The following TTLL5 variants were observed in gnomAD, a reference collection of about 807,000 sequenced individuals.
TTLL5 encodes tubulin tyrosine ligase like 5, also known as tubulin polyglutamylase TTLL5.
In TTLL5, 132 loss-of-function variants were observed where a neutral mutation model predicts 168.4. The ratio of observed to expected loss-of-function variants is 0.78; its 90% CI spans 0.68 to 0.91. TTLL5 has a LOEUF of 0.91. TTLL5 is among the 40% of genes least tolerant of loss of function. The pLI is 0.00. For missense variants in TTLL5, 1,545 were observed against 1,581.5 expected (o/e 0.98, Z 0.39); for synonymous variants, 546 against 558.6 (o/e 0.98, Z 0.32).
At chr14:75,719,571 G>A (rs189221149) in intron 10 of TTLL5, among the ~76,000 whole-genome samples, 164 bp from the exon 11 acceptor site, 6 of 152,126 alleles carry the variant, frequency 3.9e-5, no homozygotes, top group African/African-American at 1.4e-4. Flanking sequence ...TGGTATGAAA[G>A]GATATATGAC....
chr14:75,681,507 A>C (rs1320410896), intron 3 of TTLL5, 38 bp from the exon 4 acceptor site: 1 of 1,573,032 alleles, frequency 6.4e-7, no homozygotes. Context: ...TTTACAGTTA[A>C]CTTTCTAGTT....
intron 31 of TTLL5, among the ~76,000 whole-genome samples, chr14:75,953,866 GA>G (rs1394031073): frequency 4.0e-5 from 6 of 151,344 alleles, no homozygotes; most frequent in Admixed American, 2.0e-4. Context: ...TTTTGTCCAA[GA>G]AAAAAAAGGA....
At chr14:75,859,825 T>C (rs534310078) in intron 28 of TTLL5, among the ~76,000 whole-genome samples, 6 of 152,180 alleles carry the variant, frequency 3.9e-5, no homozygotes, top group Non-Finnish European at 5.9e-5. Flanking sequence ...ACACCTGGCC[T>C]CCGCTGTGTC....
intron 29 of TTLL5, among the ~76,000 whole-genome samples, chr14:75,870,668 G>A (rs1201776157): frequency 6.6e-6 from 1 of 151,998 alleles, no homozygotes; most frequent in African/African-American, 2.4e-5. Context: ...CACTGTTACT[G>A]GTAATGCTAT....
At chr14:75,831,173 T>TA (rs1290192851) in intron 28 of TTLL5, among the ~76,000 whole-genome samples, 1 of 152,132 alleles carries the variant, frequency 6.6e-6, no homozygotes, top group Non-Finnish European at 1.5e-5. Flanking sequence ...GTTAGTGAAA[T>TA]AAAAAGTAAA....
At chr14:75,789,080 A>G (rs145388394) in intron 26 of TTLL5, among the ~76,000 whole-genome samples, 8 of 152,324 alleles carry the variant, frequency 5.3e-5, no homozygotes, top group Non-Finnish European at 2.9e-5. Context: ...CTCATTAGGA[A>G]GAGAAGGAGA....
intron 31 of TTLL5, among the ~76,000 whole-genome samples, chr14:75,913,102 G>A (rs2033456164): frequency 6.6e-6 from 1 of 152,210 alleles, no homozygotes; most frequent in South Asian, 2.1e-4. Context: ...TTATCTTACT[G>A]TTTGAAGATG....
At chr14:75,925,197 A>T (rs1373618659) in intron 31 of TTLL5, among the ~76,000 whole-genome samples, 1 of 98,974 alleles carries the variant, frequency 1.0e-5, no homozygotes, top group Non-Finnish European at 2.1e-5. Flanking sequence ...TGACCCCCCC[A>T]CCTCCCTCCC....
intron 9 of TTLL5, among the ~76,000 whole-genome samples, chr14:75,708,852 G>C (rs1372753053): frequency 6.6e-6 from 1 of 152,072 alleles, no homozygotes; most frequent in Non-Finnish European, 1.5e-5. Flanking sequence ...TTCTTTTTAT[G>C]CGTAGTGCCT....
At chr14:75,918,124 G>T (rs993223291) in intron 31 of TTLL5, among the ~76,000 whole-genome samples, 5 of 152,172 alleles carry the variant, frequency 3.3e-5, no homozygotes, top group Non-Finnish European at 5.9e-5. Context: ...AAGGGCAAAA[G>T]ACAGATGCCA....
At chr14:75,900,852 A>G (rs2140085001) in intron 30 of TTLL5, among the ~76,000 whole-genome samples, 1 of 152,144 alleles carries the variant, frequency 6.6e-6, no homozygotes, top group East Asian at 1.9e-4. Context: ...CGTTCTCATA[A>G]CACTGTGTGC....
At chr14:75,745,386 T>C in intron 16 of TTLL5, 104 bp from the exon 17 acceptor site, 2 of 1,293,324 alleles carry the variant, frequency 1.5e-6, no homozygotes, top group South Asian at 1.3e-5. Flanking sequence ...TCTCCCTTCA[T>C]GCTACTTTCA....
At position 75,747,402 on chromosome 14, in the gene TTLL5, T is replaced by A. The variant is rs866820515; in HGVS notation, c.1487+1821T>A. Among the ~76,000 whole-genome samples the A allele has an allele frequency of 3.9e-5, 6 of 152,332 alleles. No individual in the cohort carries two copies. In the Middle Eastern group the frequency reaches 0.01, roughly 259 times the overall value. On this transcript the variant is annotated intron_variant, in intron 17 of 31. Transcript: ENST00000298832. ...CATTTTGGGGTCTGTTTCTATTGAC[T>A]GGTTTTCCTCATGTTTATGGGTCAC...
intron 27 of TTLL5, among the ~76,000 whole-genome samples, chr14:75,807,363 G>A (rs1021300957): frequency 6.6e-6 from 1 of 152,102 alleles, no homozygotes; most frequent in South Asian, 2.1e-4. Flanking sequence ...TGGGAGGATC[G>A]ATTGAGCCCA....
chr14:75,791,105 C>CAAAAAAAAAAAAAAAAAAAAAAAAAAA lies in TTLL5; in HGVS notation c.2987-1792_2987-1791insAAAAAAAAAAAAAAAAAAAAAAAAAAA, dbSNP rs372035829. 1.4e-4 allele frequency among the ~76,000 whole-genome samples: 11 copies of CAAAAAAAAAAAAAAAAAAAAAAAAAAA among 77,266 alleles called. 1 individual carries two copies. The highest frequency in any genetic ancestry group is 8.4e-4 in the African/African-American group (11 of 13,146). The allele number at this position is 77,266 out of a possible 152,430, so 50.7% of individuals were successfully genotyped here. On this transcript the variant is annotated intron_variant, in intron 26 of 31. Coordinates refer to ENST00000298832, the MANE Select transcript of TTLL5 (RefSeq NM_015072.5). The stretch of plus-strand genomic sequence containing the variant: ...TGGGTGACAGAGCAAGACTCTGTCT[C>CAAAAAAAAAAAAAAAAAAAAAAAAAAA]AAAAAAAAAAAAAAAAAAATACCAC...
intron 28 of TTLL5, among the ~76,000 whole-genome samples, chr14:75,843,877 G>GTTTTGTTTTATTTTATTATATTTTA (rs1208784264): frequency 3.1e-5 from 4 of 130,626 alleles, no homozygotes; most frequent in Non-Finnish European, 6.3e-5. Context: ...GTTTTGTTTT[G>GTTTTGTTTTATTTTATTATATTTTA]TTTTATTTTA....
At chr14:75,733,864 A>T in intron 13 of TTLL5, 125 bp from the exon 14 acceptor site, 2 of 828,198 alleles carry the variant, frequency 2.4e-6, no homozygotes, top group Non-Finnish European at 3.9e-6. Flanking sequence ...CGTGGATTTT[A>T]TGGGCTTTAT....
At chr14:75,938,954 C>G (rs527974716) in intron 31 of TTLL5, among the ~76,000 whole-genome samples, 1 of 152,174 alleles carries the variant, frequency 6.6e-6, no homozygotes, top group South Asian at 2.1e-4. Context: ...CGTGACCTAG[C>G]AGTGGGTCAT....
intron 27 of TTLL5, among the ~76,000 whole-genome samples, chr14:75,799,706 A>G (rs1032369300): frequency 1.3e-5 from 2 of 152,152 alleles, no homozygotes; most frequent in African/African-American, 4.8e-5. Context: ...GAAAAAGACT[A>G]TCTTTCCTTC....
Sources: allele counts gnomAD v4.1 joint callset (sites outside exome capture counted in the v4.1 genomes callset), GRCh38; gene constraint gnomAD v4.1.1; transcripts MANE v1.5; gene names NCBI Gene and HGNC (gene_info 2026-07-23, HGNC 2026-07-21).